RSU1: variants seen among roughly 807,000 people sequenced by gnomAD.
RSU1 encodes the protein rsu-1.
In RSU1, 26 loss-of-function variants were observed where a neutral mutation model predicts 31.1. That is an observed-to-expected ratio of 0.84 (90% CI 0.61 to 1.16). The LOEUF is 1.16. Ranked by LOEUF, RSU1 falls within the 50% of genes most tolerant of loss-of-function variation. The pLI is 0.00. For synonymous variants in RSU1, 164 were observed against 136.3 expected (o/e 1.20, Z -1.41); for missense variants, 320 against 339.1 (o/e 0.94, Z 0.44).
chr10:16,608,892 G>A (rs144028282), intron 8 of RSU1, among the ~76,000 whole-genome samples: 497 of 152,244 alleles, frequency 3.3e-3, no homozygotes, highest in African/African-American at 0.012. Flanking sequence ...CCTGGCTGCG[G>A]TGCCATCATA....
At chr10:16,662,392 C>T (rs1047763094) in intron 8 of RSU1, among the ~76,000 whole-genome samples, 1 of 152,202 alleles carries the variant, frequency 6.6e-6, no homozygotes, top group Admixed American at 6.5e-5. Context: ...CTTTGAGATA[C>T]ACACTACACA....
intron 8 of RSU1, among the ~76,000 whole-genome samples, chr10:16,622,859 C>G (rs572443457): frequency 2.0e-5 from 3 of 152,176 alleles, no homozygotes; most frequent in African/African-American, 7.2e-5. Context: ...GGACCCACAG[C>G]GCTCTGGCAA....
At chr10:16,722,830 CCACATATATGTATATATA>C (rs1376278263) in intron 7 of RSU1, among the ~76,000 whole-genome samples, 38 of 133,042 alleles carry the variant, frequency 2.9e-4, no homozygotes, top group African/African-American at 8.4e-4. Context: ...ATGTATACAG[CCACATATATGTATATATA>C]CACACATATA....
chr10:16,713,431 G>A (rs574620592), intron 7 of RSU1, among the ~76,000 whole-genome samples: 1 of 152,166 alleles, frequency 6.6e-6, no homozygotes, highest in East Asian at 1.9e-4. Context: ...TAATTCAAGA[G>A]GCCTGTCTTC....
At chr10:16,747,258 CA>C (rs750785388) in intron 7 of RSU1, among the ~76,000 whole-genome samples, 1 of 152,190 alleles carries the variant, frequency 6.6e-6, no homozygotes, top group Non-Finnish European at 1.5e-5. Flanking sequence ...GGATCTCATC[CA>C]ATTTGTACTC....
intron 7 of RSU1, among the ~76,000 whole-genome samples, chr10:16,748,762 G>A (rs1369655471): frequency 6.6e-6 from 1 of 151,848 alleles, no homozygotes; most frequent in East Asian, 1.9e-4. Flanking sequence ...CTCTGTCAGG[G>A]GACCTCCCTC....
chr10:16,606,465 T>C (rs1419929993), intron 8 of RSU1, among the ~76,000 whole-genome samples: 1 of 151,758 alleles, frequency 6.6e-6, no homozygotes, highest in Non-Finnish European at 1.5e-5. Flanking sequence ...CTTCCCTTTG[T>C]TGGAAAAAAA....
chr10:16,669,823 C>T lies in RSU1; in HGVS notation c.731+25200G>A, dbSNP rs145799686. ...ATGTACCATATTTTCTTTATCCAGT[C>T]TATCACTGATGGGCATTGGGGTTGA... On this transcript the variant is annotated intron_variant, in intron 8 of 8. Coordinates refer to ENST00000345264, the MANE Select transcript of RSU1 (RefSeq NM_012425.4). 2.8e-3 allele frequency among the ~76,000 whole-genome samples: 421 copies of T among 152,296 alleles called. 1 individual carries two copies. Among genetic ancestry groups the T allele is most frequent in the African/African-American group, 9.6e-3 (399 of 41,560 alleles).
chr10:16,606,981 G>A (rs976658163), intron 8 of RSU1, among the ~76,000 whole-genome samples: 3 of 152,132 alleles, frequency 2.0e-5, no homozygotes, highest in African/African-American at 4.8e-5. Context: ...ACACATGGCC[G>A]TGTGCTATAG....
rs1363742981 is a variant in RSU1, at chr10:16,726,418, C to T, written c.598+26121G>A. On this transcript the variant is annotated intron_variant, in intron 7 of 8. Coordinates refer to ENST00000345264, the MANE Select transcript of RSU1 (RefSeq NM_012425.4). ...GACTAGCTGGATTACAGGTGCCCAC[C>T]ACCACGCCCAGCTAATTTTTGTGTT... Among the ~76,000 whole-genome samples the T allele has an allele frequency of 2.0e-5, 3 of 152,066 alleles. No individual in the cohort carries two copies. The South Asian group carries it at 6.2e-4, about 32-fold the overall frequency.
At chr10:16,627,897 C>T (rs779356351) in intron 8 of RSU1, among the ~76,000 whole-genome samples, 1 of 152,070 alleles carries the variant, frequency 6.6e-6, no homozygotes, top group Non-Finnish European at 1.5e-5. Context: ...CCCTTCTTTC[C>T]GCCTCCTGTT....
chr10:16,804,113 GA>G (rs1256402432), intron 2 of RSU1, among the ~76,000 whole-genome samples: 3 of 152,046 alleles, frequency 2.0e-5, no homozygotes, highest in Non-Finnish European at 4.4e-5. Flanking sequence ...ATAAAAAAAA[GA>G]CTTAAAACTC....
chr10:16,718,088 CAATTT>C (rs1158512915), intron 7 of RSU1, among the ~76,000 whole-genome samples: 14 of 107,432 alleles, frequency 1.3e-4, no homozygotes, highest in Non-Finnish European at 2.3e-4. Flanking sequence ...TTCCAAAGCT[CAATTT>C]ATTTAAAAAA....
At chr10:16,720,622 T>G (rs968710528) in intron 7 of RSU1, among the ~76,000 whole-genome samples, 1 of 152,244 alleles carries the variant, frequency 6.6e-6, no homozygotes, top group Admixed American at 6.5e-5. Context: ...CTACACAGAA[T>G]ACATAAATAA....
At chr10:16,701,477 G>C (rs1056804776) in intron 7 of RSU1, among the ~76,000 whole-genome samples, 3 of 152,188 alleles carry the variant, frequency 2.0e-5, no homozygotes, top group Non-Finnish European at 4.4e-5. Flanking sequence ...TCCGGCAACT[G>C]TCTGCTTGGC....
chr10:16,673,745 GCA>G (rs1220745257), intron 8 of RSU1, among the ~76,000 whole-genome samples: 1 of 152,168 alleles, frequency 6.6e-6, no homozygotes, highest in Non-Finnish European at 1.5e-5. Context: ...GAGACCTCTG[GCA>G]CCCAAAGACT....
At chr10:16,663,335 T>G (rs1473442073) in intron 8 of RSU1, among the ~76,000 whole-genome samples, 2 of 151,872 alleles carry the variant, frequency 1.3e-5, no homozygotes, top group African/African-American at 4.8e-5. Context: ...AAGAGAGGAG[T>G]CTTTATCCTG....
At chr10:16,797,821 T>C (rs1252337359) in intron 2 of RSU1, among the ~76,000 whole-genome samples, 1 of 150,582 alleles carries the variant, frequency 6.6e-6, no homozygotes, top group Non-Finnish European at 1.5e-5. Flanking sequence ...TACGTAATAC[T>C]TTACAAGAAA....
intron 7 of RSU1, among the ~76,000 whole-genome samples, chr10:16,695,705 C>T (rs529940746): frequency 1.4e-4 from 21 of 152,266 alleles, no homozygotes; most frequent in Admixed American, 1.3e-4. Flanking sequence ...AGACTAATTA[C>T]CTTTTAAAAT....
Sources: allele counts gnomAD v4.1 joint callset (sites outside exome capture counted in the v4.1 genomes callset), GRCh38; gene constraint gnomAD v4.1.1; transcripts MANE v1.5; gene names NCBI Gene and HGNC (gene_info 2026-07-23, HGNC 2026-07-21).